ATP8B4: variants seen among roughly 807,000 people sequenced by gnomAD.
The protein encoded by ATP8B4 is ATPase phospholipid transporting 8B4 (putative), also known as probable phospholipid-transporting ATPase IM.
A neutral mutation model predicts 145.6 loss-of-function variants in ATP8B4; 133 were observed. That is an observed-to-expected ratio of 0.91 (90% CI 0.79 to 1.05). The LOEUF (loss-of-function observed/expected upper bound fraction) is 1.05. ATP8B4 is among the 50% of genes least tolerant of loss of function. The pLI is 0.00. For missense variants in ATP8B4, 1,458 were observed against 1,425.2 expected, an observed-to-expected ratio of 1.02 and a Z score of -0.37; for synonymous variants, 507 against 492.9, an observed-to-expected ratio of 1.03 and a Z score of -0.38.
intron 3 of ATP8B4, among the ~76,000 whole-genome samples, chr15:50,055,939 T>C (rs747654064): frequency 4.6e-5 from 7 of 152,170 alleles, no homozygotes; most frequent in Non-Finnish European, 7.3e-5. Flanking sequence ...TGGTAGTTCC[T>C]CAGTATCAGC....
At chr15:49,992,510 A>G (rs1250185204) in intron 9 of ATP8B4, among the ~76,000 whole-genome samples, 1 of 152,158 alleles carries the variant, frequency 6.6e-6, no homozygotes, top group African/African-American at 2.4e-5. Context: ...TATAGATGCA[A>G]AAGTGAGGAG....
intron 1 of ATP8B4, among the ~76,000 whole-genome samples, chr15:50,178,990 C>T (rs1157734059): frequency 6.6e-6 from 1 of 151,818 alleles, no homozygotes; most frequent in East Asian, 1.9e-4. Flanking sequence ...CAACTACTGC[C>T]CTAAAGGAGA....
chr15:50,056,693 GTATATGTGTATATA>G (rs1207206854), intron 3 of ATP8B4, among the ~76,000 whole-genome samples: 1 of 140,608 alleles, frequency 7.1e-6, no homozygotes, highest in African/African-American at 2.9e-5. Context: ...ATATGTATAT[GTATATGTGTATATA>G]TATATATATA....
intron 10 of ATP8B4, among the ~76,000 whole-genome samples, chr15:49,985,581 T>C (rs1380499484): frequency 6.6e-6 from 1 of 152,224 alleles, no homozygotes; most frequent in African/African-American, 2.4e-5. Flanking sequence ...CTAAAGTCAA[T>C]GCAGGCATGC....
chr15:49,867,495 A>G (rs2032998976), intron 25 of ATP8B4, among the ~76,000 whole-genome samples: 1 of 152,204 alleles, frequency 6.6e-6, no homozygotes, highest in African/African-American at 2.4e-5. Context: ...CAGCCCTGCC[A>G]TCCATGCCTC....
chr15:49,966,892 C>T (rs2044598949), intron 13 of ATP8B4, among the ~76,000 whole-genome samples: 2 of 152,284 alleles, frequency 1.3e-5, no homozygotes, highest in East Asian at 1.9e-4. Flanking sequence ...CTGGCAAGTG[C>T]CCCTCTGGGA....
intron 2 of ATP8B4, among the ~76,000 whole-genome samples, chr15:50,092,521 C>A (rs563823359): frequency 6.6e-6 from 1 of 151,616 alleles, no homozygotes; most frequent in Non-Finnish European, 1.5e-5. Flanking sequence ...CACTAAAGAA[C>A]GGAAATATAT....
chr15:49,927,186 G>T (rs928857971), intron 16 of ATP8B4, among the ~76,000 whole-genome samples: 1 of 151,988 alleles, frequency 6.6e-6, no homozygotes, highest in African/African-American at 2.4e-5. Flanking sequence ...ATCCTTTATA[G>T]AAATCAATTT....
At chr15:49,883,124 T>C (rs184026261) in intron 23 of ATP8B4, 42 of 151,222 alleles carry the variant, frequency 2.8e-4, no homozygotes, top group African/African-American at 9.7e-4. Flanking sequence ...GAAGCCAAGA[T>C]TGGGAATTAC....
At chr15:49,960,185 C>T (rs1244648088) in intron 14 of ATP8B4, among the ~76,000 whole-genome samples, 1 of 152,100 alleles carries the variant, frequency 6.6e-6, no homozygotes. Context: ...CACCACCACG[C>T]TTGGCTAATT....
At chr15:49,943,198 A>T (rs1316964596) in intron 14 of ATP8B4, among the ~76,000 whole-genome samples, 2 of 152,148 alleles carry the variant, frequency 1.3e-5, no homozygotes, top group Non-Finnish European at 2.9e-5. Flanking sequence ...AAAGAATGAA[A>T]AAGGTGAAAA....
At chr15:49,919,578 C>T (rs1041514463) in intron 18 of ATP8B4, among the ~76,000 whole-genome samples, 1 of 152,102 alleles carries the variant, frequency 6.6e-6, no homozygotes, top group South Asian at 2.1e-4. Flanking sequence ...CCACCGCACC[C>T]GGCTAATTTT....
At chr15:49,951,601 G>A (rs1304347845) in intron 14 of ATP8B4, among the ~76,000 whole-genome samples, 1 of 152,060 alleles carries the variant, frequency 6.6e-6, no homozygotes, top group East Asian at 1.9e-4. Flanking sequence ...CACATAAGAT[G>A]AGTCTCCTGA....
chr15:49,859,978 C>T lies in ATP8B4; in HGVS notation c.*216G>A. 1 of 507,776 alleles carries T rather than the reference C, an allele frequency of 2.0e-6. No homozygotes were observed. Among genetic ancestry groups the T allele is most frequent in the Non-Finnish European group, 3.3e-6 (1 of 300,720 alleles). 31.5% of individuals were successfully genotyped at this position (507,776 alleles called of 1,614,324 possible). A position where few individuals can be genotyped will look rare whatever the true frequency, so the allele number is the denominator to read the frequency against. On this transcript the variant is annotated 3_prime_UTR_variant, in exon 28 of 28. Transcript: ENST00000284509. ...TACTTGTAACAGCGAGTGTTTTGTC[C>T]ACCAAATCACAAACCAGACAGTGAC...
intron 14 of ATP8B4, among the ~76,000 whole-genome samples, chr15:49,940,857 C>G (rs2042110789): frequency 1.3e-5 from 2 of 152,136 alleles, no homozygotes; most frequent in African/African-American, 4.8e-5. Context: ...TGGTCAATAA[C>G]ATTTAGATTT....
At chr15:50,069,563 CAGAT>C (rs1404652186) in intron 3 of ATP8B4, among the ~76,000 whole-genome samples, 3 of 152,272 alleles carry the variant, frequency 2.0e-5, no homozygotes, top group African/African-American at 7.2e-5. Flanking sequence ...CTCTTAGCCT[CAGAT>C]TGTAAAATTG....
At chr15:50,033,711 C>A (rs2050620248) in intron 6 of ATP8B4, among the ~76,000 whole-genome samples, 1 of 152,108 alleles carries the variant, frequency 6.6e-6, no homozygotes, top group South Asian at 2.1e-4. Context: ...CTGTCCTGCT[C>A]CCCTTCTCCT....
chr15:49,961,836 T>TTTTTTAATTAATTTTGA lies in ATP8B4; in HGVS notation c.1287+140_1287+141insTCAAAATTAATTAAAAA, dbSNP rs564953815. 453 of 674,656 alleles carry TTTTTTAATTAATTTTGA rather than the reference T, an allele frequency of 6.7e-4. 6 individuals carry two copies. The South Asian group carries it at 9.0e-3, about 13-fold the overall frequency. 41.8% of individuals were successfully genotyped at this position (674,656 alleles called of 1,614,324 possible). On this transcript the variant is annotated intron_variant, in intron 14 of 27. Transcript: ENST00000284509. ...TAATATGAGAAGGAATTTTGAATCA[T>TTTTTTAATTAATTTTGA]ATTAATCTATTTTTTAATGCTATGC...
intron 1 of ATP8B4, among the ~76,000 whole-genome samples, chr15:50,137,768 C>T (rs2044142825): frequency 6.6e-6 from 1 of 152,152 alleles, no homozygotes; most frequent in Non-Finnish European, 1.5e-5. Flanking sequence ...AGTGTTAGAG[C>T]TGGGAGGGTC....
Sources: gnomAD v4.1 joint callset for allele counts (sites outside exome capture counted in the v4.1 genomes callset) on GRCh38, gnomAD v4.1.1 for gene constraint, MANE v1.5 for transcripts, NCBI Gene and HGNC (gene_info 2026-07-23, HGNC 2026-07-21) for gene names.